CFAP61: variants seen among roughly 807,000 people sequenced by gnomAD.
The protein encoded by CFAP61 is cilia and flagella associated protein 61, also known as cilia- and flagella-associated protein 61.
In CFAP61, 107 loss-of-function variants were observed where a neutral mutation model predicts 135.6. The observed-to-expected ratio is 0.79, with a 90% CI of 0.67 to 0.93. The LOEUF is 0.93. CFAP61 is among the 40% of genes least tolerant of loss of function. The probability of loss-of-function intolerance (pLI) is 0.00; values close to 1 mark genes in which losing one functional copy is unlikely to be tolerated. For missense variants in CFAP61, 1,507 were observed against 1,556.2 expected, an observed-to-expected ratio of 0.97 and a Z score of 0.53; for synonymous variants, 575 against 578.5, an observed-to-expected ratio of 0.99 and a Z score of 0.09.
chr20:20,292,529 T>A (rs2055062312), intron 24 of CFAP61, among the ~76,000 whole-genome samples: 1 of 152,224 alleles, frequency 6.6e-6, no homozygotes, highest in South Asian at 2.1e-4. Context: ...CAGGGCACAG[T>A]GGGCACAGAT....
intron 18 of CFAP61, among the ~76,000 whole-genome samples, chr20:20,233,893 G>T (rs1348005465): frequency 1.3e-5 from 2 of 152,102 alleles, no homozygotes; most frequent in Non-Finnish European, 2.9e-5. Flanking sequence ...TCAGCTTATT[G>T]TCCTTTTTTT....
chr20:20,238,520 A>G (rs894793440), intron 18 of CFAP61, among the ~76,000 whole-genome samples: 2 of 152,226 alleles, frequency 1.3e-5, no homozygotes, highest in African/African-American at 4.8e-5. Context: ...AAAGCAGTTA[A>G]TTAAATCACT....
rs1366292520 is a variant in CFAP61, at chr20:20,189,017, A to G, written c.1512+961A>G. Among the ~76,000 whole-genome samples, 5 of 152,172 alleles carry G rather than the reference A, an allele frequency of 3.3e-5. No homozygotes were observed. The East Asian group carries it at 5.8e-4, about 18-fold the overall frequency. On this transcript the variant is annotated intron_variant, in intron 14 of 26. Transcript: ENST00000245957. ...TCAGCAATGTTTGTAAGAGTCATCC[A>G]TATTATAGCATGAGGTATTTCATGG...
Position 20,320,323 on chromosome 20 carries a change from G to GAT in CFAP61, c.3423-21497_3423-21496dup, listed in dbSNP as rs137900648. On this transcript the variant is annotated intron_variant, in intron 25 of 26. Transcript: ENST00000245957. ...GTAAAGATGGTATTTCAGATATATA[G>GAT]ATATATATATATTATATATATGTAA... 3.2e-3 allele frequency among the ~76,000 whole-genome samples: 187 copies of GAT among 59,066 alleles called. 9 individuals carry two copies. The highest frequency in any genetic ancestry group is 9.1e-3 in the Middle Eastern group (1 of 110). The allele number at this position is 59,066 out of a possible 152,430, so 38.7% of individuals were successfully genotyped here. A position where few individuals can be genotyped will look rare whatever the true frequency, so the allele number is the denominator to read the frequency against.
intron 17 of CFAP61, among the ~76,000 whole-genome samples, 160 bp from the exon 18 acceptor site, chr20:20,228,089 C>T (rs2048870070): frequency 6.6e-6 from 1 of 152,218 alleles, no homozygotes; most frequent in Admixed American, 6.5e-5. Flanking sequence ...TTCTTAAAAA[C>T]ATCTTCCCAT....
intron 17 of CFAP61, among the ~76,000 whole-genome samples, chr20:20,218,164 A>G (rs2048162378): frequency 6.6e-6 from 1 of 152,130 alleles, no homozygotes; most frequent in African/African-American, 2.4e-5. Flanking sequence ...CCAAATCTCA[A>G]CTTGAATTAT....
chr20:20,272,308 T>C (rs2053419528), intron 21 of CFAP61, among the ~76,000 whole-genome samples: 1 of 152,092 alleles, frequency 6.6e-6, no homozygotes, highest in African/African-American at 2.4e-5. Flanking sequence ...TGTGTGGTGG[T>C]GGGTGCCTGT....
At chr20:20,116,880 C>A (rs1028513841) in intron 8 of CFAP61, among the ~76,000 whole-genome samples, 1 of 151,926 alleles carries the variant, frequency 6.6e-6, no homozygotes, top group Non-Finnish European at 1.5e-5. Flanking sequence ...TTGTTATACT[C>A]CTGGGCTGAA....
At chr20:20,141,421 C>T (rs909252207) in intron 8 of CFAP61, among the ~76,000 whole-genome samples, 2 of 152,122 alleles carry the variant, frequency 1.3e-5, no homozygotes, top group Non-Finnish European at 2.9e-5. Context: ...CAGGACATAT[C>T]GGGAGCTAGA....
At chr20:20,317,373 G>A (rs1223976416) in intron 25 of CFAP61, among the ~76,000 whole-genome samples, 1 of 152,186 alleles carries the variant, frequency 6.6e-6, no homozygotes, top group African/African-American at 2.4e-5. Context: ...TTGCACTGCT[G>A]CAGGCCCCAA....
chr20:20,291,744 G>C (rs1019615296), intron 24 of CFAP61, among the ~76,000 whole-genome samples: 2 of 152,310 alleles, frequency 1.3e-5, no homozygotes, highest in South Asian at 2.1e-4. Flanking sequence ...GAATTCTGCT[G>C]TTTAAAGGAC....
At chr20:20,357,871 C>T (rs2059298458) in intron 26 of CFAP61, among the ~76,000 whole-genome samples, 1 of 138,018 alleles carries the variant, frequency 7.2e-6, no homozygotes, top group African/African-American at 2.8e-5. Flanking sequence ...GAGGTGGTCA[C>T]ACTGAGGGGA....
chr20:20,297,126 G>T (rs2122124466), intron 24 of CFAP61, among the ~76,000 whole-genome samples: 1 of 152,192 alleles, frequency 6.6e-6, no homozygotes, highest in South Asian at 2.1e-4. Context: ...TTTACAGTTG[G>T]CTGAGTCCCC....
chr20:20,119,491 T>C (rs137943016), intron 8 of CFAP61, among the ~76,000 whole-genome samples: 1 of 152,270 alleles, frequency 6.6e-6, no homozygotes, highest in Non-Finnish European at 1.5e-5. Context: ...TTTATTTGAG[T>C]CTTTTCTCTC....
intron 4 of CFAP61, 30 bp from the exon 5 acceptor site, chr20:20,075,159 A>ACACTGC: frequency 6.2e-7 from 1 of 1,608,314 alleles, no homozygotes; most frequent in Non-Finnish European, 8.5e-7. Context: ...TTTGTTAGTA[A>ACACTGC]CACTGCCCCA....
chr20:20,096,798 GACAA>G (rs1018143615), intron 7 of CFAP61, among the ~76,000 whole-genome samples: 2 of 152,184 alleles, frequency 1.3e-5, no homozygotes, highest in Admixed American at 6.5e-5. Flanking sequence ...GTGCAAACAA[GACAA>G]ACAATCACTT....
chr20:20,256,081 C>T (rs1057223166), intron 20 of CFAP61, among the ~76,000 whole-genome samples: 2 of 152,170 alleles, frequency 1.3e-5, no homozygotes, highest in African/African-American at 4.8e-5. Flanking sequence ...GCCAGCCTTG[C>T]AAGGCACTGG....
At chr20:20,277,589 A>G (rs1182164949) in intron 22 of CFAP61, 131 bp downstream of exon 22, 1 of 959,244 alleles carries the variant, frequency 1.0e-6, no homozygotes, top group Non-Finnish European at 1.5e-6. Flanking sequence ...CTGTGTGTTC[A>G]GATTACCTCT....
intron 13 of CFAP61, chr20:20,172,072 T>G: frequency 2.2e-6 from 1 of 456,224 alleles, no homozygotes; most frequent in East Asian, 4.6e-5. Flanking sequence ...ATGTTGCTGG[T>G]AGGTTGGGCA....
Sources: allele counts gnomAD v4.1 joint callset (sites outside exome capture counted in the v4.1 genomes callset), GRCh38; gene constraint gnomAD v4.1.1; transcripts MANE v1.5; gene names NCBI Gene and HGNC (gene_info 2026-07-23, HGNC 2026-07-21).